Variants in ZNF383 observed in about 807,000 individuals in gnomAD.
ZNF383 encodes the protein zinc finger protein 383.
Under a neutral mutation model 44.2 loss-of-function variants are expected in ZNF383, and 32 were observed. The observed-to-expected ratio is 0.72, with a 90% CI of 0.55 to 0.97. The LOEUF (loss-of-function observed/expected upper bound fraction) is 0.97. Among genes scored for constraint, ZNF383 ranks in the 50% least tolerant of loss-of-function variants. The pLI, the probability that ZNF383 is intolerant of heterozygous loss-of-function variation, is 0.00. For synonymous variants in ZNF383, 155 were observed against 186.2 expected (o/e 0.83, Z 1.36); for missense variants, 487 against 562.5 (o/e 0.87, Z 1.36).
intron 3 of ZNF383, among the ~76,000 whole-genome samples, chr19:37,231,091 A>T (rs946507838): frequency 6.6e-6 from 1 of 152,222 alleles, no homozygotes; most frequent in Admixed American, 6.5e-5. Flanking sequence ...AATTAAGGAT[A>T]GTGATAATGG....
chr19:37,225,791 A>G (rs1234255), intron 2 of ZNF383, among the ~76,000 whole-genome samples: 26,352 of 143,646 alleles, frequency 0.18, 2,378 homozygotes, highest in South Asian at 0.26. Flanking sequence ...TTCAGTTTAA[A>G]TTTTTTTTTT....
Position 37,242,777 on chromosome 19 carries a change from C to T in ZNF383, c.541C>T (p.Gln181Ter). 1 of 1,613,976 alleles carries T rather than the reference C, an allele frequency of 6.2e-7. No homozygotes were observed. The highest frequency in any genetic ancestry group is 8.5e-7 in the Non-Finnish European group (1 of 1,179,976). The change falls in exon 6 of 6, where the codon CAG (glutamine) becomes TAG (stop). Residue 181 changes from glutamine to a stop codon, truncating the protein, a stop_gained. Transcript: ENST00000684119. LOFTEE classifies it high-confidence loss of function. ...TAAGAAATGTGGAAAGGCCTTTAGT[C>T]AGAACTCACAATTTATTCAACATCA... ...ECKKCGKAFSQNSQFIQHQRI... is the reference protein window; with the variant it reads ...ECKKCGKAFS
intron 3 of ZNF383, among the ~76,000 whole-genome samples, chr19:37,232,958 A>AT (rs545699830): frequency 0.011 from 1,606 of 149,018 alleles, 17 homozygotes; most frequent in Non-Finnish European, 0.017. Flanking sequence ...ATATTCTCTT[A>AT]TTTTTTTTTT....
intron 1 of ZNF383, among the ~76,000 whole-genome samples, chr19:37,220,656 C>T (rs1263402344): frequency 2.6e-5 from 4 of 151,030 alleles, no homozygotes; most frequent in Admixed American, 2.6e-4. Context: ...TATAAAGAGA[C>T]CCTCAGCATA....
chr19:37,229,180 G>A (rs1243128992), intron 2 of ZNF383, among the ~76,000 whole-genome samples: 2 of 137,558 alleles, frequency 1.5e-5, no homozygotes, highest in African/African-American at 5.5e-5. Context: ...TTGAGACAGA[G>A]TTTTGCTCTT....
chr19:37,242,046 G>GTATCT (rs1568532073), intron 5 of ZNF383, among the ~76,000 whole-genome samples: 2 of 33,864 alleles, frequency 5.9e-5, no homozygotes, highest in Admixed American at 3.8e-4. Flanking sequence ...ATATAGTATA[G>GTATCT]ATACTATATA....
chr19:37,233,488 G>A (rs12983261), intron 3 of ZNF383, among the ~76,000 whole-genome samples: 1 of 151,492 alleles, frequency 6.6e-6, no homozygotes, highest in Admixed American at 6.6e-5. Context: ...GGAGTGCAGT[G>A]GTGCCATCTT....
chr19:37,233,215 C>G (rs1000324243), intron 3 of ZNF383, among the ~76,000 whole-genome samples: 2 of 152,014 alleles, frequency 1.3e-5, no homozygotes, highest in African/African-American at 2.4e-5. Flanking sequence ...ACTGCAAGCT[C>G]CGCCTCCTGG....
chr19:37,229,979 A>G (rs186831371), intron 2 of ZNF383, among the ~76,000 whole-genome samples: 1 of 151,668 alleles, frequency 6.6e-6, no homozygotes, highest in Non-Finnish European at 1.5e-5. Context: ...ATCTGAGTGC[A>G]CTGTGTTCCT....
intron 1 of ZNF383, among the ~76,000 whole-genome samples, chr19:37,222,604 C>G (rs1032662428): frequency 2.0e-5 from 3 of 152,192 alleles, no homozygotes; most frequent in South Asian, 2.1e-4. Flanking sequence ...TCTCAAACTC[C>G]TGACCTCAGG....
intron 5 of ZNF383, among the ~76,000 whole-genome samples, chr19:37,238,016 C>G (rs900245715): frequency 6.6e-6 from 1 of 151,978 alleles, no homozygotes; most frequent in East Asian, 1.9e-4. Flanking sequence ...GCACACGTCA[C>G]CACGCCCAGC....
chr19:37,230,710 C>T (rs1019098030), intron 3 of ZNF383, among the ~76,000 whole-genome samples: 4 of 152,102 alleles, frequency 2.6e-5, no homozygotes, highest in Admixed American at 2.6e-4. Context: ...AACTCTTTCC[C>T]AAGGACTATG....
intron 2 of ZNF383, among the ~76,000 whole-genome samples, chr19:37,229,843 G>C (rs528948114): frequency 1.4e-5 from 2 of 145,034 alleles, no homozygotes; most frequent in African/African-American, 5.1e-5. Context: ...AGAAGAATTA[G>C]TGCCTGCATC....
chr19:37,239,716 G>A (rs1490138729), intron 5 of ZNF383, among the ~76,000 whole-genome samples: 1 of 152,200 alleles, frequency 6.6e-6, no homozygotes, highest in African/African-American at 2.4e-5. Context: ...ATAGATTAAA[G>A]GGTGAGAGAG....
rs1240254737 is a variant in ZNF383, at chr19:37,244,204, C to T, written c.*540C>T. Reference sequence around the variant, plus strand: ...CTTCAAGCAATTCTCCTGCCTCAGACTCCTGAGTAGCTGGGATCACAGGCG... The same window carrying T: ...CTTCAAGCAATTCTCCTGCCTCAGATTCCTGAGTAGCTGGGATCACAGGCG... On this transcript the variant is annotated 3_prime_UTR_variant, in exon 6 of 6. Coordinates refer to ENST00000684119, the MANE Select transcript of ZNF383 (RefSeq NM_001387601.1). The T allele has an allele frequency of 6.6e-6, 1 of 152,220 alleles. No homozygotes were observed. Among genetic ancestry groups the T allele is most frequent in the African/African-American group, 2.4e-5 (1 of 41,398 alleles). 9.4% of individuals were successfully genotyped at this position (152,220 alleles called of 1,614,324 possible). A position where few individuals can be genotyped will look rare whatever the true frequency, so the allele number is the denominator to read the frequency against.
At chr19:37,231,530 A>C (rs555868636) in intron 3 of ZNF383, among the ~76,000 whole-genome samples, 15 of 152,292 alleles carry the variant, frequency 9.8e-5, no homozygotes, top group South Asian at 2.1e-4. Flanking sequence ...AAAATAAATA[A>C]AATAACTTTA....
At chr19:37,227,328 G>A (rs1054156355) in intron 2 of ZNF383, among the ~76,000 whole-genome samples, 1 of 147,420 alleles carries the variant, frequency 6.8e-6, no homozygotes, top group African/African-American at 2.5e-5. Flanking sequence ...TGGTCGGGCT[G>A]GTCTTGAACT....
chr19:37,234,111 A>C (rs1413859238), intron 3 of ZNF383, among the ~76,000 whole-genome samples: 4 of 151,662 alleles, frequency 2.6e-5, no homozygotes, highest in Non-Finnish European at 5.9e-5. Flanking sequence ...TGATCCACCC[A>C]CCTCGGCCTC....
chr19:37,230,400 CT>C lies in ZNF383; in HGVS notation c.-45-4del. ...AGTCATGCAACCTCAGAACACTGTCCTTTTTCAGGAGAACGGCCTCAAGGAA... is the reference window on the plus strand; with the variant it reads ...AGTCATGCAACCTCAGAACACTGTCCTTTTCAGGAGAACGGCCTCAAGGAA... On this transcript the variant is annotated splice_polypyrimidine_tract_variant and splice_region_variant and intron_variant, in intron 2 of 5. Transcript: ENST00000684119. 1.2e-6 allele frequency: 2 copies of C among 1,607,504 alleles called. No homozygotes were observed. The highest frequency in any genetic ancestry group is 1.7e-6 in the Non-Finnish European group (2 of 1,174,954).
Sources: allele counts gnomAD v4.1 joint callset (sites outside exome capture counted in the v4.1 genomes callset), GRCh38; gene constraint gnomAD v4.1.1; transcripts MANE v1.5; gene names NCBI Gene and HGNC (gene_info 2026-07-23, HGNC 2026-07-21).